RGS17: variants seen among roughly 807,000 people sequenced by gnomAD.
RGS17 encodes the protein regulator of G protein signaling 17.
In RGS17, 12 loss-of-function variants were observed where a neutral mutation model predicts 25.5. That is an observed-to-expected ratio of 0.47 (90% confidence interval 0.30 to 0.76). The LOEUF is 0.76. RGS17 is among the 30% of genes least tolerant of loss of function. RGS17 has a pLI of 0.07. For missense variants in RGS17, 196 were observed against 242.2 expected, an observed-to-expected ratio of 0.81 and a Z score of 1.27; for synonymous variants, 71 against 76.9, an observed-to-expected ratio of 0.92 and a Z score of 0.40.
intron 2 of RGS17, among the ~76,000 whole-genome samples, chr6:153,032,574 GAA>G (rs10531899): frequency 0.45 from 65,763 of 144,936 alleles, 14,832 homozygotes; most frequent in South Asian, 0.58. Flanking sequence ...ACCCTTATTT[GAA>G]AAAAAAAAAA....
intron 1 of RGS17, among the ~76,000 whole-genome samples, chr6:153,120,840 G>C (rs1218821240): frequency 8.4e-6 from 1 of 119,614 alleles, no homozygotes; most frequent in Non-Finnish European, 1.8e-5. Context: ...TTTTGAGCCT[G>C]GAGACACCTT....
intron 1 of RGS17, among the ~76,000 whole-genome samples, chr6:153,088,380 A>G (rs900212534): frequency 6.6e-6 from 1 of 152,208 alleles, no homozygotes; most frequent in Non-Finnish European, 1.5e-5. Flanking sequence ...TGAGTTTGAT[A>G]TAAGACTGAA....
At chr6:153,115,210 G>A (rs1777526799) in intron 1 of RGS17, among the ~76,000 whole-genome samples, 1 of 152,188 alleles carries the variant, frequency 6.6e-6, no homozygotes, top group South Asian at 2.1e-4. Context: ...ATCTCCTTAA[G>A]CTGATAAGCA....
chr6:153,074,776 T>C (rs562488457), intron 1 of RGS17, among the ~76,000 whole-genome samples: 2 of 152,248 alleles, frequency 1.3e-5, no homozygotes, highest in African/African-American at 2.4e-5. Context: ...TTTTGGTATA[T>C]ACAACAGTCC....
Position 153,016,915 on chromosome 6 carries a change from GTCTGGATGGCTTCTAAAGCCATCTTA to G in RGS17, c.445-5179_445-5154del, listed in dbSNP as rs749981672. Among the ~76,000 whole-genome samples, 10 of 152,188 alleles carry G rather than the reference GTCTGGATGGCTTCTAAAGCCATCTTA, an allele frequency of 6.6e-5. 1 individual carries two copies. Among genetic ancestry groups the G allele is most frequent in the Non-Finnish European group, 1.3e-4 (9 of 68,026 alleles). ...CACAGTCACCCTAGGATTCAGGTGT[GTCTGGATGGCTTCTAAAGCCATCTTA>G]TCTGGGCTCCATTGCATGAGGGACT... is the stretch of plus-strand genomic sequence containing the variant. On this transcript the variant is annotated intron_variant, in intron 4 of 4. Coordinates refer to ENST00000206262, the MANE Select transcript of RGS17 (RefSeq NM_012419.5).
rs142442516 is a variant in RGS17, at chr6:153,039,450, G to A, written c.119+4450C>T. 2.4e-3 allele frequency among the ~76,000 whole-genome samples: 368 copies of A among 152,186 alleles called. 4 individuals are homozygous for A. The highest frequency in any genetic ancestry group is 8.5e-3 in the African/African-American group (351 of 41,510). On this transcript the variant is annotated intron_variant, in intron 2 of 4. Transcript: ENST00000206262. ...CTTCATTCTTCTCCTCTCCATAGCCGTCATCTCACCACCATGATGTGCCAA... is the reference window on the plus strand; with the variant it reads ...CTTCATTCTTCTCCTCTCCATAGCCATCATCTCACCACCATGATGTGCCAA...
At chr6:153,083,796 A>C (rs1777014924) in intron 1 of RGS17, among the ~76,000 whole-genome samples, 1 of 152,238 alleles carries the variant, frequency 6.6e-6, no homozygotes, top group Non-Finnish European at 1.5e-5. Context: ...TTGATGCCAC[A>C]AATTATATAA....
intron 2 of RGS17, among the ~76,000 whole-genome samples, chr6:153,033,460 G>C (rs1271427761): frequency 2.0e-5 from 3 of 152,172 alleles, no homozygotes; most frequent in African/African-American, 7.2e-5. Flanking sequence ...GCTCATGCTT[G>C]TAATCCCAGC....
intron 1 of RGS17, among the ~76,000 whole-genome samples, chr6:153,119,788 C>G (rs1027806173): frequency 6.6e-6 from 1 of 152,202 alleles, no homozygotes; most frequent in Non-Finnish European, 1.5e-5. Flanking sequence ...ACAATAAGAG[C>G]TAAGACACAT....
intron 1 of RGS17, among the ~76,000 whole-genome samples, chr6:153,110,270 A>G (rs1380640315): frequency 6.6e-6 from 1 of 152,148 alleles, no homozygotes; most frequent in East Asian, 1.9e-4. Context: ...TGTTTGGCTC[A>G]CTTCCTAGTC....
intron 1 of RGS17, among the ~76,000 whole-genome samples, chr6:153,111,331 C>A (rs985094650): frequency 2.6e-5 from 4 of 152,196 alleles, no homozygotes; most frequent in African/African-American, 9.6e-5. Context: ...CCAGGAAGTT[C>A]AAACTGGGCT....
At chr6:153,027,732 A>T (rs1779318001) in intron 2 of RGS17, among the ~76,000 whole-genome samples, 1 of 152,166 alleles carries the variant, frequency 6.6e-6, no homozygotes, top group Admixed American at 6.5e-5. Context: ...TATAGTTGGA[A>T]TTGGAAGCCT....
chr6:153,054,484 CTACTAAAA>C, intron 1 of RGS17, among the ~76,000 whole-genome samples: 2 of 151,644 alleles, frequency 1.3e-5, no homozygotes, highest in Middle Eastern at 6.8e-3. Flanking sequence ...AACCCCATCT[CTACTAAAA>C]ATACAAAAAT....
chr6:153,123,926 T>C (rs1156749413), intron 1 of RGS17, among the ~76,000 whole-genome samples: 1 of 152,136 alleles, frequency 6.6e-6, no homozygotes, highest in African/African-American at 2.4e-5. Context: ...AGGAATTGGG[T>C]GTTGAGGTCG....
chr6:153,066,493 C>T (rs1776709447), intron 1 of RGS17, among the ~76,000 whole-genome samples: 1 of 152,044 alleles, frequency 6.6e-6, no homozygotes, highest in South Asian at 2.1e-4. Flanking sequence ...ACTTCCATTC[C>T]ATGAGGCCAG....
chr6:153,067,739 A>T (rs1776730564), intron 1 of RGS17, among the ~76,000 whole-genome samples: 1 of 152,190 alleles, frequency 6.6e-6, no homozygotes. Flanking sequence ...ACTACCCCAA[A>T]CAATCTAAAG....
chr6:153,092,906 G>C (rs1210920870), intron 1 of RGS17, among the ~76,000 whole-genome samples: 1 of 152,016 alleles, frequency 6.6e-6, no homozygotes, highest in Admixed American at 6.6e-5. Context: ...AGTGAAAGGT[G>C]GGGGGAAATG....
intron 1 of RGS17, among the ~76,000 whole-genome samples, chr6:153,116,979 G>T (rs6557272): frequency 0.45 from 68,870 of 151,846 alleles, 16,214 homozygotes; most frequent in East Asian, 0.84. Context: ...ATGTAGATAA[G>T]GGGTTGATGG....
chr6:153,093,090 T>C lies in RGS17; in HGVS notation c.-26+38034A>G, dbSNP rs369421432. Among the ~76,000 whole-genome samples the C allele has an allele frequency of 3.2e-4, 49 of 152,364 alleles. 8 individuals are homozygous for C. Among genetic ancestry groups the C allele is most frequent in the Admixed American group, 2.1e-3 (32 of 15,310 alleles). On this transcript the variant is annotated intron_variant, in intron 1 of 4. Coordinates refer to ENST00000206262, the MANE Select transcript of RGS17 (RefSeq NM_012419.5). The stretch of plus-strand genomic sequence containing the variant: ...AATTAATTAGTCTGCCAACCAAGTA[T>C]TATGTACTTGAAACATTCTTTTATT...
Sources: allele counts gnomAD v4.1 joint callset (sites outside exome capture counted in the v4.1 genomes callset), GRCh38; gene constraint gnomAD v4.1.1; transcripts MANE v1.5; gene names NCBI Gene and HGNC (gene_info 2026-07-23, HGNC 2026-07-21).